NKX1-2: variants seen among roughly 807,000 people sequenced by gnomAD.
NKX1-2 encodes the protein NK1 transcription factor-related protein 2.
A neutral mutation model predicts 4.4 loss-of-function variants in NKX1-2; 1 was observed. That is an observed-to-expected ratio of 0.23 (90% CI 0.08 to 1.08). The LOEUF (loss-of-function observed/expected upper bound fraction) is 1.08, where lower values mean the gene tolerates loss of function less well. NKX1-2 is among the 50% of genes least tolerant of loss of function. The pLI is 0.55. For synonymous variants in NKX1-2, 235 were observed against 228.0 expected (o/e 1.03, Z -0.28); for missense variants, 503 against 464.6 (o/e 1.08, Z -0.76).
Position 124,447,637 on chromosome 10 carries a change from C to G in NKX1-2, c.725G>C (p.Gly242Ala), listed in dbSNP as rs1171767255. 2.3e-6 allele frequency: 3 copies of G among 1,292,782 alleles called. No homozygotes were observed. Among genetic ancestry groups the G allele is most frequent in the Non-Finnish European group, 2.9e-6 (3 of 1,020,416 alleles). The allele number at this position is 1,292,782 out of a possible 1,614,324, so 80.1% of individuals were successfully genotyped here. The change falls in exon 2 of 2, where the codon GGG (glycine) becomes GCG (alanine). Residue 242 changes from glycine (G) to alanine (A), a missense_variant. Gly to Ala is a moderately conservative substitution (Grantham distance 60). Coordinates refer to ENST00000451024, the MANE Select transcript of NKX1-2 (RefSeq NM_001146340.3). ...GGGAPQPGAA[G>A]GGGGGGSGGS... ...CCCCGAGCCGCCGCCGCCGCCGCCCCCCGCCGCCCCTGGCTGGGGCGCGCC... is the reference window on the plus strand; with the variant it reads ...CCCCGAGCCGCCGCCGCCGCCGCCCGCCGCCGCCCCTGGCTGGGGCGCGCC...
In NKX1-2 at chr10:124,445,936, G is replaced by T. The variant is rs1215520434; in HGVS notation, c.*1493C>A. On this transcript the variant is annotated 3_prime_UTR_variant, in exon 2 of 2. Transcript: ENST00000451024. ...AATGTAATCCATAATACCAAACAGG[G>T]TGCTTTACTTTGAAGCCATTGACCA... 6.6e-6 allele frequency: 1 copy of T among 152,082 alleles called. No individual in the cohort carries two copies. The highest frequency in any genetic ancestry group is 1.5e-5 in the Non-Finnish European group (1 of 68,030). 9.4% of individuals were successfully genotyped at this position (152,082 alleles called of 1,614,324 possible).
At position 124,448,948 on chromosome 10, in the gene NKX1-2, C is replaced by CGGCA. The variant is rs1952271287; in HGVS notation, c.214+778_214+781dup. Among the ~76,000 whole-genome samples, 1 of 152,182 alleles carries CGGCA rather than the reference C, an allele frequency of 6.6e-6. No individual in the cohort carries two copies. The highest frequency in any genetic ancestry group is 2.1e-4 in the South Asian group (1 of 4,832). Reference sequence around the variant, plus strand: ...TTGGGGAGGGGAGCAGGGGGCTGCGCGGCATCCAGCCTCCCCCGATGACCT... The same window carrying CGGCA: ...TTGGGGAGGGGAGCAGGGGGCTGCGCGGCAGGCATCCAGCCTCCCCCGATGACCT... On this transcript the variant is annotated intron_variant, in intron 1 of 1. Coordinates refer to ENST00000451024, the MANE Select transcript of NKX1-2 (RefSeq NM_001146340.3). The surrounding 1 kb of genome is among the most constrained non-coding windows in gnomAD (Gnocchi z 4.1).
chr10:124,446,784 C>A lies in NKX1-2; in HGVS notation c.*645G>T, dbSNP rs547328768. ...TACTCCAAAAACCAAGGTACCCCCT[C>A]TCTCAGGAATAGCCTGGGGAGGTTA... is the stretch of plus-strand genomic sequence containing the variant. On this transcript the variant is annotated 3_prime_UTR_variant, in exon 2 of 2. Transcript: ENST00000451024. The A allele has an allele frequency of 9.5e-4, 144 of 152,348 alleles. No individual in the cohort carries two copies. Among genetic ancestry groups the A allele is most frequent in the African/African-American group, 3.4e-3 (142 of 41,580 alleles). 9.4% of individuals were successfully genotyped at this position (152,348 alleles called of 1,614,324 possible).
At position 124,448,681 on chromosome 10, in the gene NKX1-2, C is replaced by G. The variant is rs1056302619; in HGVS notation, c.215-534G>C. 2.6e-5 allele frequency: 4 copies of G among 151,388 alleles called. No individual in the cohort carries two copies. Among genetic ancestry groups the G allele is most frequent in the African/African-American group, 9.7e-5 (4 of 41,196 alleles). The allele number at this position is 151,388 out of a possible 1,614,324, so 9.4% of individuals were successfully genotyped here. On this transcript the variant is annotated intron_variant, in intron 1 of 1. Transcript: ENST00000451024. This position sits in a 1 kb window ranked among gnomAD's most constrained non-coding sequence, Gnocchi z 4.1. ...GCGGGGCCGGATCGATAGATGTCATCTATTAAAGGTAAGTTTTAATCGAAC... is the reference window on the plus strand; with the variant it reads ...GCGGGGCCGGATCGATAGATGTCATGTATTAAAGGTAAGTTTTAATCGAAC...
chr10:124,448,445 T>G lies in NKX1-2; in HGVS notation c.215-298A>C. ...ATTATTGGGTAACCATACTGGGGGG[T>G]AGGATCATTGTATTAAGACATCTAG... On this transcript the variant is annotated intron_variant, in intron 1 of 1. Transcript: ENST00000451024. The surrounding 1 kb of genome is among the most constrained non-coding windows in gnomAD (Gnocchi z 4.1). 1 of 300,938 alleles carries G rather than the reference T, an allele frequency of 3.3e-6. No homozygotes were observed. Among genetic ancestry groups the G allele is most frequent in the Non-Finnish European group, 6.0e-6 (1 of 166,518 alleles). The allele number at this position is 300,938 out of a possible 1,614,324, so 18.6% of individuals were successfully genotyped here. A position where few individuals can be genotyped will look rare whatever the true frequency, so the allele number is the denominator to read the frequency against.
rs944327239 is a variant in NKX1-2, at chr10:124,449,237, G to A, written c.214+493C>T. Among the ~76,000 whole-genome samples the A allele has an allele frequency of 1.3e-5, 2 of 152,220 alleles. No individual in the cohort carries two copies. Among genetic ancestry groups the A allele is most frequent in the African/African-American group, 4.8e-5 (2 of 41,464 alleles). On this transcript the variant is annotated intron_variant, in intron 1 of 1. Transcript: ENST00000451024. The surrounding 1 kb of genome is among the most constrained non-coding windows in gnomAD (Gnocchi z 7.5). ...CCTGGGGCAGCCCAGCCCCGCAGGC[G>A]TCTCCGGGTGGCACCTGACCTCGCT...
Position 124,449,683 on chromosome 10 carries a change from T to G in NKX1-2, c.214+47A>C. The G allele has an allele frequency of 2.2e-6, 3 of 1,358,108 alleles. No individual in the cohort carries two copies. The highest frequency in any genetic ancestry group is 3.1e-6 in the Non-Finnish European group (3 of 973,300). 84.1% of individuals were successfully genotyped at this position (1,358,108 alleles called of 1,614,324 possible). On this transcript the variant is annotated intron_variant, in intron 1 of 1. Coordinates refer to ENST00000451024, the MANE Select transcript of NKX1-2 (RefSeq NM_001146340.3). The surrounding 1 kb of genome is among the most constrained non-coding windows in gnomAD (Gnocchi z 7.5). ...CGGCTGTTCCCCCATACACTCCGCATTGTTGGGGCTGAGGCCTCCTGGGGC... is the reference window on the plus strand; with the variant it reads ...CGGCTGTTCCCCCATACACTCCGCAGTGTTGGGGCTGAGGCCTCCTGGGGC...
rs1384455973 is a variant in NKX1-2 at position 124,449,902 on chromosome 10, G to A, written c.42C>T (p.Ser14=). 1 of 1,549,526 alleles carries A rather than the reference G, an allele frequency of 6.5e-7. No homozygotes were observed. The highest frequency in any genetic ancestry group is 1.4e-5 in the African/African-American group (1 of 73,038). The part of the protein sequence containing the change: ...WQDGGAKAAP[S]HHKISFSVLD... ...GGACAGAGAAAGAAATCTTGTGGTG[G>A]GAGGGAGCCGCCTTGGCCCCGCCGT... The change falls in exon 1 of 2, where the codon TCC becomes TCT. Residue 14 remains serine (S), a synonymous_variant. Transcript: ENST00000451024. This position sits in a 1 kb window ranked among gnomAD's most constrained non-coding sequence, Gnocchi z 7.5.
Position 124,448,000 on chromosome 10 carries a change from G to C in NKX1-2, c.362C>G (p.Pro121Arg), listed in dbSNP as rs755512016. 45 of 1,486,006 alleles carry C rather than the reference G, an allele frequency of 3.0e-5. No homozygotes were observed. The highest frequency in any genetic ancestry group is 3.6e-5 in the Non-Finnish European group (41 of 1,124,776). The allele number at this position is 1,486,006 out of a possible 1,614,324, so 92.1% of individuals were successfully genotyped here. Residue 121 changes from proline to arginine, a missense_variant, in exon 2 of 2, where the codon CCG (proline) becomes CGG (arginine). Pro to Arg is a moderately radical substitution (Grantham distance 103, BLOSUM62 -2). Coordinates refer to ENST00000451024, the MANE Select transcript of NKX1-2 (RefSeq NM_001146340.3). ...LPGLARSPDA[P>R]AGALASGEPC... The stretch of plus-strand genomic sequence containing the variant: ...CTCCCCAGACGCCAATGCCCCGGCC[G>C]GGGCGTCAGGTGAGCGCGCTAGGCC...
At position 124,449,578 on chromosome 10, in the gene NKX1-2, G is replaced by C. The variant is rs934453982; in HGVS notation, c.214+152C>G. 27 of 717,194 alleles carry C rather than the reference G, an allele frequency of 3.8e-5. No individual in the cohort carries two copies. The highest frequency in any genetic ancestry group is 6.5e-5 in the Non-Finnish European group (26 of 399,310). 44.4% of individuals were successfully genotyped at this position (717,194 alleles called of 1,614,324 possible). ...CTCCTCTCTGCCTCTATCCAAGTCC[G>C]AGGCGGGGGCTACACTTCGCACCCG... is the stretch of plus-strand genomic sequence containing the variant. On this transcript the variant is annotated intron_variant, in intron 1 of 1. Transcript: ENST00000451024. The surrounding 1 kb of genome is among the most constrained non-coding windows in gnomAD (Gnocchi z 7.5).
At position 124,449,482 on chromosome 10, in the gene NKX1-2, G is replaced by T. The variant is rs777534462; in HGVS notation, c.214+248C>A. On this transcript the variant is annotated intron_variant, in intron 1 of 1. Coordinates refer to ENST00000451024, the MANE Select transcript of NKX1-2 (RefSeq NM_001146340.3). The surrounding 1 kb of genome is among the most constrained non-coding windows in gnomAD (Gnocchi z 7.5). Reference sequence around the variant, plus strand: ...AGGTAAGTTTCCACCGCGAGCATCAGAACTGTGGTGCGGGTGAGCTTGGCG... The same window carrying T: ...AGGTAAGTTTCCACCGCGAGCATCATAACTGTGGTGCGGGTGAGCTTGGCG... 4 of 692,276 alleles carry T rather than the reference G, an allele frequency of 5.8e-6. No individual in the cohort carries two copies. Among genetic ancestry groups the T allele is most frequent in the Non-Finnish European group, 1.1e-5 (4 of 378,832 alleles). 42.9% of individuals were successfully genotyped at this position (692,276 alleles called of 1,614,324 possible). A position where few individuals can be genotyped will look rare whatever the true frequency, so the allele number is the denominator to read the frequency against.
In NKX1-2 at chr10:124,445,440, C is replaced by T. The variant is rs1184373865; in HGVS notation, c.*1989G>A. 6.6e-6 allele frequency: 1 copy of T among 152,194 alleles called. No homozygotes were observed. Among genetic ancestry groups the T allele is most frequent in the Admixed American group, 6.5e-5 (1 of 15,274 alleles). The allele number at this position is 152,194 out of a possible 1,614,324, so 9.4% of individuals were successfully genotyped here. On this transcript the variant is annotated 3_prime_UTR_variant, in exon 2 of 2. Coordinates refer to ENST00000451024, the MANE Select transcript of NKX1-2 (RefSeq NM_001146340.3). ...GGGCCACGAACAGATCAGCCTCCCA[C>T]CTCTCTCCCTATTCCCTCTCTTCTA...
Position 124,447,568 on chromosome 10 carries a change from G to T in NKX1-2, c.794C>A (p.Thr265Asn), listed in dbSNP as rs933949243. Residue 265 changes from threonine to asparagine, a missense_variant, in exon 2 of 2, where the codon ACT (threonine) becomes AAT (asparagine). Physicochemically the swap from Thr to Asn is moderately conservative, Grantham distance 65 (BLOSUM62 0). Coordinates refer to ENST00000451024, the MANE Select transcript of NKX1-2 (RefSeq NM_001146340.3). ...PPGTGALHFQTFPSYSAANVL... is the reference protein window; with the variant it reads ...PPGTGALHFQNFPSYSAANVL... ...ATTGGCCGCGGAGTAGGAGGGGAAA[G>T]TCTGGAAGTGCAGAGCGCCGGTGCC... The T allele has an allele frequency of 7.9e-7, 1 of 1,273,188 alleles. No individual in the cohort carries two copies. Among genetic ancestry groups the T allele is most frequent in the Non-Finnish European group, 9.9e-7 (1 of 1,007,716 alleles). The allele number at this position is 1,273,188 out of a possible 1,614,324, so 78.9% of individuals were successfully genotyped here.
rs1723356511 is a variant in NKX1-2 at position 124,449,909 on chromosome 10, G to A, written c.35C>T (p.Ala12Val). ...LAWQDGGAKA[A>V]PSHHKISFSV... is the part of the protein sequence containing the mutation. ...GAAAGAAATCTTGTGGTGGGAGGGAGCCGCCTTGGCCCCGCCGTCCTGCCA... is the reference window on the plus strand; with the variant it reads ...GAAAGAAATCTTGTGGTGGGAGGGAACCGCCTTGGCCCCGCCGTCCTGCCA... The change falls in exon 1 of 2, where the codon GCT becomes GTT. Residue 12 changes from alanine to valine, a missense_variant. Transcript: ENST00000451024. This position sits in a 1 kb window ranked among gnomAD's most constrained non-coding sequence, Gnocchi z 7.5. The A allele has an allele frequency of 5.2e-6, 8 of 1,548,256 alleles. No homozygotes were observed. Among genetic ancestry groups the A allele is most frequent in the Non-Finnish European group, 7.0e-6 (8 of 1,144,480 alleles).
In NKX1-2 at chr10:124,447,807, C is replaced by T. The variant is rs1035002624; in HGVS notation, c.555G>A (p.Thr185=). 2 of 1,480,208 alleles carry T rather than the reference C, an allele frequency of 1.4e-6. No homozygotes were observed. Among genetic ancestry groups the T allele is most frequent in the Non-Finnish European group, 9.0e-7 (1 of 1,108,604 alleles). The allele number at this position is 1,480,208 out of a possible 1,614,324, so 91.7% of individuals were successfully genotyped here. The change falls in exon 2 of 2, where the codon ACG becomes ACA. Residue 185 remains threonine, a synonymous_variant. Transcript: ENST00000451024. ...GGCGCTCGCACACTGACAGGTAGCGCGTGGCCCGGAACTTGTTCTCCAAGG... is the reference window on the plus strand; with the variant it reads ...GGCGCTCGCACACTGACAGGTAGCGTGTGGCCCGGAACTTGTTCTCCAAGG... ...LVALENKFRA[T]RYLSVCERLN...
chr10:124,447,753 G>T lies in NKX1-2; in HGVS notation c.609C>A (p.Thr203=), dbSNP rs780189115. The change falls in exon 2 of 2, where the codon ACC becomes ACA. Residue 203 remains threonine (T), a synonymous_variant. Coordinates refer to ENST00000451024, the MANE Select transcript of NKX1-2 (RefSeq NM_001146340.3). ...RLNLALSLSL[T]ETQVKIWFQN... ...GGAACCAGATTTTGACCTGCGTCTC[G>T]GTGAGGCTGAGAGACAGCGCGAGGT... The T allele has an allele frequency of 1.3e-5, 19 of 1,479,202 alleles. No individual in the cohort carries two copies. The highest frequency in any genetic ancestry group is 1.6e-5 in the Non-Finnish European group (18 of 1,108,042). The allele number at this position is 1,479,202 out of a possible 1,614,324, so 91.6% of individuals were successfully genotyped here.
Position 124,449,913 on chromosome 10 carries a change from C to T in NKX1-2, c.31G>A (p.Ala11Thr), listed in dbSNP as rs1564754162. Residue 11 changes from alanine (A) to threonine (T), a missense_variant, in exon 1 of 2, where the codon GCG becomes ACG. Coordinates refer to ENST00000451024, the MANE Select transcript of NKX1-2 (RefSeq NM_001146340.3). The surrounding 1 kb of genome is among the most constrained non-coding windows in gnomAD (Gnocchi z 7.5). ...GAAATCTTGTGGTGGGAGGGAGCCG[C>T]CTTGGCCCCGCCGTCCTGCCATGCC... MLAWQDGGAKAAPSHHKISFS... is the reference protein window; with the variant it reads MLAWQDGGAKTAPSHHKISFS... 1 of 1,548,082 alleles carries T rather than the reference C, an allele frequency of 6.5e-7. No homozygotes were observed. Among genetic ancestry groups the T allele is most frequent in the Non-Finnish European group, 8.7e-7 (1 of 1,144,396 alleles).
rs1406774926 is a variant in NKX1-2 at position 124,448,327 on chromosome 10, C to T, written c.215-180G>A. The T allele has an allele frequency of 7.8e-6, 8 of 1,028,534 alleles. No homozygotes were observed. Among genetic ancestry groups the T allele is most frequent in the Non-Finnish European group, 1.0e-5 (8 of 797,520 alleles). 63.7% of individuals were successfully genotyped at this position (1,028,534 alleles called of 1,614,324 possible). A position where few individuals can be genotyped will look rare whatever the true frequency, so the allele number is the denominator to read the frequency against. ...CCAGCGGGTTTAGGGGAATGGTGTC[C>T]TCTTGCCCTTTACAAATCTGCCATC... On this transcript the variant is annotated intron_variant, in intron 1 of 1. Coordinates refer to ENST00000451024, the MANE Select transcript of NKX1-2 (RefSeq NM_001146340.3). This position sits in a 1 kb window ranked among gnomAD's most constrained non-coding sequence, Gnocchi z 4.1.
At position 124,449,797 on chromosome 10, in the gene NKX1-2, A is replaced by T. The variant is rs1176279783; in HGVS notation, c.147T>A (p.Ser49Arg). 3.2e-6 allele frequency: 5 copies of T among 1,551,622 alleles called. No homozygotes were observed. The highest frequency in any genetic ancestry group is 4.4e-6 in the Non-Finnish European group (5 of 1,146,980). ...CTTTCCCCGCTTCGACCTCCGCCAA[A>T]CTTTTCCTGGCTTCCCGGGGAGCCG... ...VRPAPREARK[S>R]LAEVEAGKDA... The change falls in exon 1 of 2, where the codon AGT becomes AGA. Residue 49 changes from serine (S) to arginine (R), a missense_variant. Coordinates refer to ENST00000451024, the MANE Select transcript of NKX1-2 (RefSeq NM_001146340.3). This position sits in a 1 kb window ranked among gnomAD's most constrained non-coding sequence, Gnocchi z 7.5.
Sources: gnomAD v4.1 joint callset for allele counts (sites outside exome capture counted in the v4.1 genomes callset) on GRCh38, gnomAD v4.1.1 for gene constraint, Gnocchi (gnomAD v3.1) non-coding constraint, MANE v1.5 for transcripts, NCBI Gene and HGNC (gene_info 2026-07-23, HGNC 2026-07-21) for gene names.